The following ZNF652 variants were observed in gnomAD, a reference collection of about 807,000 sequenced individuals.
ZNF652 encodes zinc finger protein 652.
A neutral mutation model predicts 45.2 loss-of-function variants in ZNF652; 16 were observed. The ratio of observed to expected loss-of-function variants is 0.35; its 90% confidence interval spans 0.24 to 0.54. The LOEUF is 0.54. ZNF652 is among the 20% of genes least tolerant of loss of function. The pLI is 0.91. For synonymous variants in ZNF652, 250 were observed against 260.6 expected (o/e 0.96, Z 0.39); for missense variants, 614 against 765.6 (o/e 0.80, Z 2.34).
intron 5 of ZNF652, among the ~76,000 whole-genome samples, chr17:49,304,055 A>ATTTTT (rs58790188): frequency 0.033 from 3,909 of 117,164 alleles, 96 homozygotes; most frequent in East Asian, 0.037. Flanking sequence ...TGCCTGGCTA[A>ATTTTT]TTTTTTTTTT....
chr17:49,335,555 TTCTC>T (rs1352554798), intron 1 of ZNF652, among the ~76,000 whole-genome samples: 1 of 152,122 alleles, frequency 6.6e-6, no homozygotes, highest in East Asian at 1.9e-4. Flanking sequence ...CCCCACCATG[TTCTC>T]TCTTATTATT....
chr17:49,299,054 G>A (rs775442831), intron 5 of ZNF652, 130 bp from the exon 6 acceptor site: 139 of 1,003,810 alleles, frequency 1.4e-4, no homozygotes, highest in Non-Finnish European at 1.9e-4. Flanking sequence ...GGCCTCAAGT[G>A]ATCCTCCCAT....
At chr17:49,315,318 GGTGTGAGC>G (rs1417289927) in intron 2 of ZNF652, among the ~76,000 whole-genome samples, 1 of 152,134 alleles carries the variant, frequency 6.6e-6, no homozygotes, top group Admixed American at 6.5e-5. Context: ...TAGGATTACA[GGTGTGAGC>G]CACTGCGCCC....
intron 1 of ZNF652, among the ~76,000 whole-genome samples, chr17:49,338,072 C>T (rs2070104945): frequency 6.6e-6 from 1 of 152,080 alleles, no homozygotes; most frequent in East Asian, 1.9e-4. Context: ...ACTTCAGCCT[C>T]GACCTCCCAG....
intron 1 of ZNF652, among the ~76,000 whole-genome samples, chr17:49,351,359 C>A (rs1212190377): frequency 1.3e-5 from 2 of 151,732 alleles, no homozygotes; most frequent in African/African-American, 4.8e-5. Context: ...AATTCACCAC[C>A]AGAAGATGGT....
chr17:49,337,732 T>G (rs79670217), intron 1 of ZNF652, among the ~76,000 whole-genome samples: 5,485 of 152,304 alleles, frequency 0.036, 139 homozygotes, highest in Non-Finnish European at 0.053. Flanking sequence ...AAATTCCTTT[T>G]TCTTTTCTAA....
chr17:49,297,031 G>C lies in ZNF652; in HGVS notation c.*1382C>G, dbSNP rs993091956. 1.3e-5 allele frequency: 2 copies of C among 152,110 alleles called. No homozygotes were observed. Among genetic ancestry groups the C allele is most frequent in the Admixed American group, 6.5e-5 (1 of 15,268 alleles). 9.4% of individuals were successfully genotyped at this position (152,110 alleles called of 1,614,324 possible). Reference sequence around the variant, plus strand: ...GGTATTACATAATTTGCAGAGGACAGGGCAGTAAAACTTAGGAGTTTTCCC... The same window carrying C: ...GGTATTACATAATTTGCAGAGGACACGGCAGTAAAACTTAGGAGTTTTCCC... On this transcript the variant is annotated 3_prime_UTR_variant, in exon 6 of 6. Transcript: ENST00000430262.
rs1440519729 is a variant in ZNF652 at position 49,289,828 on chromosome 17, A to T, written c.*8585T>A. 1 of 152,322 alleles carries T rather than the reference A, an allele frequency of 6.6e-6. No individual in the cohort carries two copies. Among genetic ancestry groups the T allele is most frequent in the African/African-American group, 2.4e-5 (1 of 41,464 alleles). 9.4% of individuals were successfully genotyped at this position (152,322 alleles called of 1,614,324 possible). On this transcript the variant is annotated 3_prime_UTR_variant, in exon 6 of 6. Transcript: ENST00000430262. ...TGGACTTGACATAAGTACCCCAGCC[A>T]CATGGCCTTCATCCTTATGACCTAG... is the stretch of plus-strand genomic sequence containing the variant.
At chr17:49,334,634 C>G (rs2070060899) in intron 1 of ZNF652, among the ~76,000 whole-genome samples, 1 of 152,088 alleles carries the variant, frequency 6.6e-6, no homozygotes, top group African/African-American at 2.4e-5. Flanking sequence ...CAAAATTTAG[C>G]TGAGAGTGGT....
At chr17:49,288,431 C>T (rs2069363073), downstream of ZNF652, 1 of 152,130 alleles carries the variant, frequency 6.6e-6, no homozygotes, top group South Asian at 2.1e-4. Context: ...ACCCAACTCC[C>T]TCACTGGAAT....
chr17:49,348,982 AAAG>A (rs1380756427), intron 1 of ZNF652, among the ~76,000 whole-genome samples: 1 of 152,232 alleles, frequency 6.6e-6, no homozygotes, highest in Non-Finnish European at 1.5e-5. Context: ...CAAAACAAAA[AAAG>A]AATTAAAAAA....
rs746401797 is a variant in ZNF652, at chr17:49,317,188, TCTC to T, written c.535_537del (p.Glu179del). On this transcript the variant is annotated inframe_deletion, in exon 2 of 6. Coordinates refer to ENST00000430262, the MANE Select transcript of ZNF652 (RefSeq NM_001145365.3). ...GTAACGCTGACTTTCTCTACTATCT[TCTC>T]CTTTTTCTTCTGCTTTTCATTCTCT... 9 of 1,613,516 alleles carry T rather than the reference TCTC, an allele frequency of 5.6e-6. No homozygotes were observed. The East Asian group carries it at 6.7e-5, about 12-fold the overall frequency.
downstream of ZNF652, among the ~76,000 whole-genome samples, chr17:49,288,746 G>T (rs2069365324): frequency 6.6e-6 from 1 of 152,210 alleles, no homozygotes; most frequent in African/African-American, 2.4e-5. Flanking sequence ...ACTGAATGAA[G>T]GGGGTAGAGG....
chr17:49,311,846 A>T, intron 4 of ZNF652, 81 bp downstream of exon 4: 2 of 1,211,748 alleles, frequency 1.7e-6, no homozygotes, highest in Non-Finnish European at 2.4e-6. Flanking sequence ...CTCCTGCTCC[A>T]GCACACCTCT....
downstream of ZNF652, among the ~76,000 whole-genome samples, chr17:49,288,145 T>C (rs919501649): frequency 6.6e-6 from 1 of 151,802 alleles, no homozygotes. Context: ...TATTCACTTA[T>C]ATAAATAAAC....
At chr17:49,358,201 G>A (rs904438153) in intron 1 of ZNF652, among the ~76,000 whole-genome samples, 1 of 152,164 alleles carries the variant, frequency 6.6e-6, no homozygotes, top group African/African-American at 2.4e-5. Context: ...GTAAACAGTG[G>A]AGCGGGGGTT....
chr17:49,293,874 T>C lies in ZNF652; in HGVS notation c.*4539A>G, dbSNP rs546781244. Among the ~76,000 whole-genome samples, 4 of 152,250 alleles carry C rather than the reference T, an allele frequency of 2.6e-5. No individual in the cohort carries two copies. In the South Asian group the frequency reaches 6.2e-4, roughly 24 times the overall value. Reference sequence around the variant, plus strand: ...ACTTCTCATACAGTCTAGAACAGCATTGAAATATTTATCATGTGGACCAGC... The same window carrying C: ...ACTTCTCATACAGTCTAGAACAGCACTGAAATATTTATCATGTGGACCAGC... On this transcript the variant is annotated 3_prime_UTR_variant, in exon 6 of 6. Coordinates refer to ENST00000430262, the MANE Select transcript of ZNF652 (RefSeq NM_001145365.3).
chr17:49,361,849 G>A (rs1429235918), intron 1 of ZNF652, 60 bp downstream of exon 1: 1 of 151,328 alleles, frequency 6.6e-6, no homozygotes, highest in Non-Finnish European at 1.5e-5. Flanking sequence ...GGAGAGGAAG[G>A]GCTGCCGGGG....
In ZNF652 at chr17:49,317,097, G is replaced by A. The variant is rs868711536; in HGVS notation, c.629C>T (p.Thr210Ile). 1 of 1,614,060 alleles carries A rather than the reference G, an allele frequency of 6.2e-7. No homozygotes were observed. The highest frequency in any genetic ancestry group is 8.5e-7 in the Non-Finnish European group (1 of 1,180,020). ...CTCTACACTCTTCCTACGACCTCTT[G>A]TAGTTCTGGGAGTAGGGGAAGTGGT... ...AATTSPTPRT[T>I]RGRRKSVEPP... Residue 210 changes from threonine (T) to isoleucine (I), a missense_variant, in exon 2 of 6, where the codon ACA becomes ATA. Around this residue, in one of 5 missense-constraint regions of ZNF652, gnomAD observed 262 missense variants for 306.3 expected, o/e 0.86. Transcript: ENST00000430262.
Sources: allele counts gnomAD v4.1 joint callset (sites outside exome capture counted in the v4.1 genomes callset), GRCh38; gene constraint gnomAD v4.1.1; regional missense constraint gnomAD v4.1.1; transcripts MANE v1.5; gene names NCBI Gene and HGNC (gene_info 2026-07-23, HGNC 2026-07-21).